PTPRM: variants seen among roughly 807,000 people sequenced by gnomAD.
PTPRM encodes receptor-type tyrosine-protein phosphatase mu.
Under a neutral mutation model 186.7 loss-of-function variants are expected in PTPRM, and 47 were observed. That is an observed-to-expected ratio of 0.25 (90% CI 0.20 to 0.32). PTPRM has a LOEUF of 0.32. Ranked by LOEUF, PTPRM falls within the 10% of genes least tolerant of loss-of-function variation. The pLI, the probability that PTPRM is intolerant of heterozygous loss-of-function variation, is 1.00. For missense variants in PTPRM, 1,494 were observed against 1,865.0 expected, an observed-to-expected ratio of 0.80 and a Z score of 3.66; for synonymous variants, 668 against 674.9, an observed-to-expected ratio of 0.99 and a Z score of 0.16.
At chr18:7,693,660 A>G (rs962322414) in intron 1 of PTPRM, among the ~76,000 whole-genome samples, 21 of 152,182 alleles carry the variant, frequency 1.4e-4, no homozygotes, top group African/African-American at 4.6e-4. Flanking sequence ...GGTGTAATAG[A>G]AGCAATCTGT....
intron 1 of PTPRM, among the ~76,000 whole-genome samples, chr18:7,648,246 T>C (rs1015994962): frequency 6.6e-6 from 1 of 152,160 alleles, no homozygotes; most frequent in Non-Finnish European, 1.5e-5. Flanking sequence ...AAATGTGTGC[T>C]TTTCACTCCT....
At chr18:7,823,760 G>A (rs1007508368) in intron 2 of PTPRM, among the ~76,000 whole-genome samples, 6 of 152,132 alleles carry the variant, frequency 3.9e-5, no homozygotes, top group Admixed American at 1.3e-4. Flanking sequence ...CCCTTGGGTC[G>A]GCTTCCCTGC....
intron 14 of PTPRM, among the ~76,000 whole-genome samples, chr18:8,199,722 A>T (rs1481202214): frequency 6.6e-6 from 1 of 152,144 alleles, no homozygotes; most frequent in Non-Finnish European, 1.5e-5. Flanking sequence ...GCCTAAATAA[A>T]TCCTACAAAT....
intron 2 of PTPRM, among the ~76,000 whole-genome samples, chr18:7,885,672 G>A (rs1012323350): frequency 2.0e-5 from 3 of 152,114 alleles, no homozygotes; most frequent in Admixed American, 2.0e-4. Context: ...AAAAAAGGAG[G>A]AGAAAAGACT....
intron 3 of PTPRM, among the ~76,000 whole-genome samples, chr18:7,895,185 G>A (rs996342885): frequency 5.9e-5 from 9 of 152,028 alleles, no homozygotes; most frequent in African/African-American, 2.2e-4. Flanking sequence ...TAATTACAGC[G>A]GGGTGGGGGG....
rs76095218 is a variant in PTPRM, at chr18:7,774,473, T to C, written c.196+202T>C. ...CTCTCTCCCCTTAAAGTCTAAATTATACTTCTTTTATTTGCAAGTACATCT... is the reference window on the plus strand; with the variant it reads ...CTCTCTCCCCTTAAAGTCTAAATTACACTTCTTTTATTTGCAAGTACATCT... On this transcript the variant is annotated intron_variant, in intron 2 of 32. Transcript: ENST00000580170. Among the ~76,000 whole-genome samples the C allele has an allele frequency of 5.0e-3, 766 of 152,366 alleles. 6 individuals carry two copies. Among genetic ancestry groups the C allele is most frequent in the Non-Finnish European group, 8.5e-3 (577 of 68,032 alleles).
intron 2 of PTPRM, among the ~76,000 whole-genome samples, chr18:7,876,638 A>G (rs1378107244): frequency 6.6e-6 from 1 of 152,210 alleles, no homozygotes; most frequent in Non-Finnish European, 1.5e-5. Flanking sequence ...CCTGTCCTCC[A>G]GCAGTCTAGC....
intron 6 of PTPRM, among the ~76,000 whole-genome samples, chr18:7,952,949 T>G (rs1049191779): frequency 2.0e-5 from 3 of 152,170 alleles, no homozygotes; most frequent in Admixed American, 1.3e-4. Flanking sequence ...GAGGCTGCAG[T>G]GAGCCACGAT....
intron 2 of PTPRM, among the ~76,000 whole-genome samples, chr18:7,823,285 G>A (rs943694525): frequency 1.3e-5 from 2 of 152,292 alleles, no homozygotes; most frequent in East Asian, 1.9e-4. Flanking sequence ...GACTTCACAA[G>A]TACAGACTAA....
chr18:7,914,062 T>A (rs1271875683), intron 4 of PTPRM, among the ~76,000 whole-genome samples: 4 of 152,142 alleles, frequency 2.6e-5, no homozygotes, highest in Non-Finnish European at 5.9e-5. Context: ...AAATTTAGAT[T>A]TTTTAATGAA....
At chr18:8,008,220 C>T (rs1360698655) in intron 7 of PTPRM, among the ~76,000 whole-genome samples, 3 of 152,170 alleles carry the variant, frequency 2.0e-5, no homozygotes, top group African/African-American at 7.2e-5. Flanking sequence ...CCTCCTACCA[C>T]TTACCATAAA....
At chr18:8,303,392 T>G (rs1399365228) in intron 20 of PTPRM, among the ~76,000 whole-genome samples, 2 of 152,162 alleles carry the variant, frequency 1.3e-5, no homozygotes, top group Non-Finnish European at 2.9e-5. Context: ...CAATCTTGGT[T>G]GCTCACATTG....
chr18:8,177,109 C>A, intron 14 of PTPRM, among the ~76,000 whole-genome samples: 1 of 152,268 alleles, frequency 6.6e-6, no homozygotes, highest in Admixed American at 6.5e-5. Context: ...TGTTCAAATA[C>A]TGATGCCTTT....
chr18:8,008,884 A>T (rs2084350906), intron 7 of PTPRM, among the ~76,000 whole-genome samples: 1 of 152,226 alleles, frequency 6.6e-6, no homozygotes. Context: ...TTTGGAGTTC[A>T]GAGTCTAGAA....
chr18:7,990,423 C>T (rs1245085350), intron 7 of PTPRM, among the ~76,000 whole-genome samples: 1 of 152,102 alleles, frequency 6.6e-6, no homozygotes, highest in Non-Finnish European at 1.5e-5. Context: ...TGTTGACTTA[C>T]TTTGGATAAT....
At position 8,353,949 on chromosome 18, in the gene PTPRM, C is replaced by T. The variant is rs143751310; in HGVS notation, c.3054+10429C>T. Among the ~76,000 whole-genome samples, 539 of 152,280 alleles carry T rather than the reference C, an allele frequency of 3.5e-3. 2 individuals carry two copies. Among genetic ancestry groups the T allele is most frequent in the African/African-American group, 0.012 (509 of 41,572 alleles). On this transcript the variant is annotated intron_variant, in intron 23 of 32. Coordinates refer to ENST00000580170, the MANE Select transcript of PTPRM (RefSeq NM_001105244.2). ...TAATGCGGCTGGGCGCAGTGGCTCA[C>T]ACCTGTAATCCCAGCACTTTGGGAG...
intron 1 of PTPRM, among the ~76,000 whole-genome samples, chr18:7,771,212 G>A (rs1052760084): frequency 2.6e-5 from 4 of 152,182 alleles, no homozygotes; most frequent in African/African-American, 9.7e-5. Context: ...ACTGTTTTAA[G>A]ATCGCACTGT....
At chr18:8,240,095 T>C (rs2094398127) in intron 14 of PTPRM, among the ~76,000 whole-genome samples, 1 of 152,134 alleles carries the variant, frequency 6.6e-6, no homozygotes, top group Non-Finnish European at 1.5e-5. Context: ...AAGTTTTCAC[T>C]TGAAAAAAGT....
intron 14 of PTPRM, among the ~76,000 whole-genome samples, chr18:8,146,471 C>G (rs1352245389): frequency 6.7e-6 from 1 of 149,660 alleles, no homozygotes; most frequent in East Asian, 2.0e-4. Flanking sequence ...AGTGTCTGTT[C>G]ATATCCTTTG....
Sources: allele counts gnomAD v4.1 joint callset (sites outside exome capture counted in the v4.1 genomes callset), GRCh38; gene constraint gnomAD v4.1.1; transcripts MANE v1.5; gene names NCBI Gene and HGNC (gene_info 2026-07-23, HGNC 2026-07-21).